DAPK1: variants seen among roughly 807,000 people sequenced by gnomAD.
The protein encoded by DAPK1 is death associated protein kinase 1.
In DAPK1, 56 loss-of-function variants were observed where a neutral mutation model predicts 144.9. The observed-to-expected ratio is 0.39, with a 90% CI of 0.31 to 0.48. The LOEUF (loss-of-function observed/expected upper bound fraction) is 0.48. DAPK1 is among the 20% of genes least tolerant of loss of function. The pLI is 0.95. For missense variants in DAPK1, 1,454 were observed against 1,875.4 expected, an observed-to-expected ratio of 0.78 and a Z score of 4.15; for synonymous variants, 690 against 749.0, an observed-to-expected ratio of 0.92 and a Z score of 1.29.
rs36208054 is a variant in DAPK1, at chr9:87,609,841, C to T, written c.284+4666C>T. ...ATTTACTGCTTTGACATGAAGTCCA[C>T]GGCAAGTCGAACTTCCTCTGAGGGT... On this transcript the variant is annotated intron_variant, in intron 3 of 25. Transcript: ENST00000408954. 4.8e-3 allele frequency among the ~76,000 whole-genome samples: 733 copies of T among 152,274 alleles called. 22 individuals carry two copies. The highest frequency in any genetic ancestry group is 0.041 in the Admixed American group (631 of 15,298).
intron 2 of DAPK1, among the ~76,000 whole-genome samples, chr9:87,555,326 A>G (rs1227411978): frequency 6.6e-6 from 1 of 152,186 alleles, no homozygotes; most frequent in Non-Finnish European, 1.5e-5. Context: ...CTTAAGCAAC[A>G]TATCTGCCCT....
chr9:87,547,592 T>A (rs1194167189), intron 2 of DAPK1, among the ~76,000 whole-genome samples: 3 of 151,904 alleles, frequency 2.0e-5, no homozygotes, highest in African/African-American at 7.2e-5. Context: ...TGTGTGTGTG[T>A]GTGTGTGTGT....
At chr9:87,687,114 T>C (rs1824893530) in intron 21 of DAPK1, among the ~76,000 whole-genome samples, 2 of 152,246 alleles carry the variant, frequency 1.3e-5, no homozygotes, top group South Asian at 2.1e-4. Flanking sequence ...TGAGTTTTTA[T>C]CATTTCTATG....
intron 2 of DAPK1, among the ~76,000 whole-genome samples, chr9:87,565,843 T>C (rs749947267): frequency 4.6e-5 from 7 of 152,174 alleles, no homozygotes; most frequent in Non-Finnish European, 7.3e-5. Flanking sequence ...TGTGCTAAGC[T>C]CTTTACATGT....
chr9:87,589,718 A>T (rs62576179), intron 2 of DAPK1, among the ~76,000 whole-genome samples: 125 of 152,362 alleles, frequency 8.2e-4, no homozygotes, highest in Non-Finnish European at 1.4e-3. Flanking sequence ...GTCAGTGAGT[A>T]TATTAGCCAT....
At chr9:87,645,797 T>A (rs1362549133) in intron 11 of DAPK1, 98 bp from the exon 12 acceptor site, 1 of 1,462,356 alleles carries the variant, frequency 6.8e-7, no homozygotes, top group Non-Finnish European at 9.3e-7. Context: ...TTCCTCTGAA[T>A]GCCCCTGTTA....
At chr9:87,698,040 A>C (rs1005585037) in intron 22 of DAPK1, among the ~76,000 whole-genome samples, 2 of 152,238 alleles carry the variant, frequency 1.3e-5, no homozygotes, top group African/African-American at 4.8e-5. Context: ...GATAACATGA[A>C]ATAAACTTCC....
intron 2 of DAPK1, among the ~76,000 whole-genome samples, chr9:87,510,266 G>A (rs10122382): frequency 0.2 from 29,816 of 152,164 alleles, 3,272 homozygotes; most frequent in East Asian, 0.42. Flanking sequence ...GTTTTGTTCA[G>A]TGTGATTTGG....
intron 3 of DAPK1, chr9:87,632,215 G>T (rs1829716310): frequency 1.0e-6 from 1 of 966,650 alleles, no homozygotes. Context: ...GAGTATATAT[G>T]TAGGGATAAA....
intron 18 of DAPK1, chr9:87,668,048 G>A (rs1380139587): frequency 6.5e-6 from 1 of 153,414 alleles, no homozygotes; most frequent in Non-Finnish European, 1.5e-5. Context: ...AAGCATAAAA[G>A]TGCTGTGGAC....
chr9:87,564,408 T>A (rs558783207), intron 2 of DAPK1, among the ~76,000 whole-genome samples: 9 of 152,324 alleles, frequency 5.9e-5, no homozygotes, highest in African/African-American at 1.7e-4. Flanking sequence ...GGTTTCTGTC[T>A]TAGTCCACTT....
chr9:87,624,738 AT>A lies in DAPK1; in HGVS notation c.285-13204del, dbSNP rs1323018353. On this transcript the variant is annotated intron_variant, in intron 3 of 25. Coordinates refer to ENST00000408954, the MANE Select transcript of DAPK1 (RefSeq NM_004938.4). ...CAGCTTTCTGTGTCCATTTTTTGCC[AT>A]CAACTGTACCTGTAACATCAATGCC... is the stretch of plus-strand genomic sequence containing the variant. Among the ~76,000 whole-genome samples the A allele has an allele frequency of 9.8e-5, 15 of 152,334 alleles. No homozygotes were observed. The East Asian group carries it at 2.5e-3, about 25-fold the overall frequency.
At chr9:87,607,631 A>G (rs1034904932) in intron 3 of DAPK1, among the ~76,000 whole-genome samples, 8 of 152,146 alleles carry the variant, frequency 5.3e-5, no homozygotes, top group African/African-American at 1.9e-4. Flanking sequence ...TAATACAGCA[A>G]ATATAGTGTT....
Position 87,697,005 on chromosome 9 carries a change from A to G in DAPK1, c.2414-2A>G. 6.7e-7 allele frequency: 1 copy of G among 1,488,194 alleles called. No individual in the cohort carries two copies. Among genetic ancestry groups the G allele is most frequent in the Non-Finnish European group, 9.4e-7 (1 of 1,064,844 alleles). The allele number at this position is 1,488,194 out of a possible 1,614,324, so 92.2% of individuals were successfully genotyped here. On this transcript the variant is annotated splice_acceptor_variant, in intron 21 of 25. Transcript: ENST00000408954. LOFTEE classifies it high-confidence loss of function. ...ATTGTTATCATTTTTCTTTTTCTGT[A>G]GGAGTTGGCGATTTCAGCGTGTGGG...
rs890762790 is a variant in DAPK1, at chr9:87,647,235, G to A, written c.1231-70G>A. 2.5e-6 allele frequency: 3 copies of A among 1,213,300 alleles called. No individual in the cohort carries two copies. In the African/African-American group the frequency reaches 4.5e-5, roughly 18 times the overall value. 75.2% of individuals were successfully genotyped at this position (1,213,300 alleles called of 1,614,324 possible). ...CACACAGGAAGGGAAATAACAGTGA[G>A]TCTGAGGAATGCATGCATCTGGTGC... On this transcript the variant is annotated intron_variant, in intron 13 of 25. Transcript: ENST00000408954.
At chr9:87,631,938 G>C (rs908878052) in intron 3 of DAPK1, 9 of 371,612 alleles carry the variant, frequency 2.4e-5, no homozygotes, top group Non-Finnish European at 3.4e-5. Context: ...AAAAACATCT[G>C]CCTTCATGAA....
chr9:87,555,731 G>A (rs991686889), intron 2 of DAPK1, among the ~76,000 whole-genome samples: 7 of 152,182 alleles, frequency 4.6e-5, no homozygotes, highest in East Asian at 1.9e-4. Flanking sequence ...TCGAACTCCC[G>A]ACCTCAGGTG....
At chr9:87,621,892 T>G (rs564435230) in intron 3 of DAPK1, among the ~76,000 whole-genome samples, 1 of 151,958 alleles carries the variant, frequency 6.6e-6, no homozygotes, top group Non-Finnish European at 1.5e-5. Context: ...TAATCTGCAG[T>G]TCCCCCACAT....
chr9:87,683,329 C>G (rs1348872354), intron 20 of DAPK1, among the ~76,000 whole-genome samples: 29 of 152,152 alleles, frequency 1.9e-4, no homozygotes, highest in Admixed American at 1.9e-3. Flanking sequence ...GATCCACCTG[C>G]CTCGGCCTCC....
Sources: gnomAD v4.1 joint callset for allele counts (sites outside exome capture counted in the v4.1 genomes callset) on GRCh38, gnomAD v4.1.1 for gene constraint, MANE v1.5 for transcripts, NCBI Gene and HGNC (gene_info 2026-07-23, HGNC 2026-07-21) for gene names.